DIP2C: variants seen among roughly 807,000 people sequenced by gnomAD.
The protein encoded by DIP2C is DIP2 acetate--CoA ligase C (putative).
In DIP2C, 33 loss-of-function variants were observed where a neutral mutation model predicts 192.4. The observed-to-expected ratio is 0.17, with a 90% CI of 0.13 to 0.23. The LOEUF (loss-of-function observed/expected upper bound fraction) is 0.23, where lower values mean the gene tolerates loss of function less well. Ranked by LOEUF, DIP2C falls within the 10% of genes least tolerant of loss-of-function variation. The probability of loss-of-function intolerance (pLI) is 1.00; values close to 1 mark genes in which losing one functional copy is unlikely to be tolerated. For synonymous variants in DIP2C, 979 were observed against 864.1 expected (o/e 1.13, Z -2.33); for missense variants, 1,537 against 2,110.1 (o/e 0.73, Z 5.32).
chr10:546,798 A>T (rs1263921983), intron 1 of DIP2C, among the ~76,000 whole-genome samples: 1 of 152,262 alleles, frequency 6.6e-6, no homozygotes, highest in Non-Finnish European at 1.5e-5. Context: ...GTCAAAAAAA[A>T]AAATCACATC....
intron 10 of DIP2C, among the ~76,000 whole-genome samples, chr10:396,285 T>G (rs865846635): frequency 3.9e-5 from 6 of 152,190 alleles, no homozygotes; most frequent in African/African-American, 1.4e-4. Flanking sequence ...GCCTAGGATT[T>G]GAGATAATAG....
At chr10:362,359 G>T (rs1168560161) in intron 22 of DIP2C, 131 bp downstream of exon 22, 4 of 1,061,772 alleles carry the variant, frequency 3.8e-6, no homozygotes, top group Non-Finnish European at 5.3e-6. Flanking sequence ...CTATTTTCTT[G>T]GGGTAACCAC....
intron 17 of DIP2C, among the ~76,000 whole-genome samples, chr10:379,247 C>T (rs755537191): frequency 2.3e-4 from 35 of 149,014 alleles, no homozygotes; most frequent in Non-Finnish European, 4.3e-4. Context: ...CGCCCTGCCC[C>T]GCTACCCCAC....
intron 1 of DIP2C, among the ~76,000 whole-genome samples, chr10:584,469 C>T (rs1258090188): frequency 7.1e-6 from 1 of 141,404 alleles, no homozygotes; most frequent in African/African-American, 2.7e-5. Context: ...AATCTCGGGG[C>T]CCGCAACCTG....
intron 1 of DIP2C, among the ~76,000 whole-genome samples, chr10:597,596 C>A (rs1177150746): frequency 6.6e-6 from 1 of 152,178 alleles, no homozygotes; most frequent in East Asian, 1.9e-4. Context: ...ATGTCACTTG[C>A]CACAAAAATG....
intron 1 of DIP2C, among the ~76,000 whole-genome samples, chr10:574,152 C>A (rs1181582722): frequency 6.6e-6 from 1 of 152,208 alleles, no homozygotes; most frequent in East Asian, 1.9e-4. Flanking sequence ...AAGTTTAAAG[C>A]TTTTTGCATC....
rs1965476928 is a variant in DIP2C, at chr10:414,751, A to ATATATATATG, written c.860-642_860-641insCATATATATA. On this transcript the variant is annotated intron_variant, in intron 7 of 36. Coordinates refer to ENST00000280886, the MANE Select transcript of DIP2C (RefSeq NM_014974.3). The stretch of plus-strand genomic sequence containing the variant: ...TGTGTGTGTGTGTGTACATATATAT[A>ATATATATATG]TATATAATGTGTATATATATAATGT... Among the ~76,000 whole-genome samples, 8 of 134,848 alleles carry ATATATATATG rather than the reference A, an allele frequency of 5.9e-5. 1 individual carries two copies. In the Admixed American group the frequency reaches 6.1e-4, roughly 10 times the overall value. The allele number at this position is 134,848 out of a possible 152,430, so 88.5% of individuals were successfully genotyped here.
chr10:319,260 A>T (rs755807472), intron 31 of DIP2C, among the ~76,000 whole-genome samples: 67 of 152,236 alleles, frequency 4.4e-4, no homozygotes, highest in Middle Eastern at 3.4e-3. Flanking sequence ...GGGGGGCTGT[A>T]TTTCTCTTTC....
intron 1 of DIP2C, among the ~76,000 whole-genome samples, chr10:526,334 ATG>A (rs1423084286): frequency 2.0e-5 from 3 of 152,172 alleles, no homozygotes; most frequent in East Asian, 1.9e-4. Context: ...ATTTAGAAAA[ATG>A]TGTGTTTAGC....
At chr10:672,076 C>A (rs113035567) in intron 1 of DIP2C, among the ~76,000 whole-genome samples, 13 of 150,064 alleles carry the variant, frequency 8.7e-5, no homozygotes, top group African/African-American at 3.2e-4. Context: ...GGAAACGCCA[C>A]AGACGCACGG....
At chr10:337,800 C>CGTGTGTTGTGGAGGCCTAGGCAGCCGTGT (rs749822515) in intron 29 of DIP2C, among the ~76,000 whole-genome samples, 1 of 122,548 alleles carries the variant, frequency 8.2e-6, no homozygotes, top group Non-Finnish European at 1.7e-5. Context: ...TGTGTGTGCA[C>CGTGTGTTGTGGAGGCCTAGGCAGCCGTGT]GTGTGTCGTG....
At chr10:350,999 TG>T (rs1037064880) in intron 24 of DIP2C, among the ~76,000 whole-genome samples, 12 of 151,604 alleles carry the variant, frequency 7.9e-5, no homozygotes, top group Admixed American at 6.6e-4. Context: ...AGTGTAGGGA[TG>T]GAGCGCGCGG....
rs554063637 is a variant in DIP2C at position 306,867 on chromosome 10, C to T, written c.3986+3164G>A. Among the ~76,000 whole-genome samples the T allele has an allele frequency of 5.9e-5, 9 of 152,326 alleles. No homozygotes were observed. In the East Asian group the frequency reaches 1.7e-3, roughly 29 times the overall value. On this transcript the variant is annotated intron_variant, in intron 32 of 36. Transcript: ENST00000280886. Reference sequence around the variant, plus strand: ...GCCTGGGAAGACTGGCTTTACTGCACCTGTTCTGAGCACCCCCAGAGCTCC... The same window carrying T: ...GCCTGGGAAGACTGGCTTTACTGCATCTGTTCTGAGCACCCCCAGAGCTCC...
At chr10:317,671 A>G (rs1956833870) in intron 31 of DIP2C, among the ~76,000 whole-genome samples, 1 of 152,172 alleles carries the variant, frequency 6.6e-6, no homozygotes, top group Non-Finnish European at 1.5e-5. Flanking sequence ...CTGTGCAGTT[A>G]CACCCCTCAG....
intron 1 of DIP2C, among the ~76,000 whole-genome samples, chr10:560,962 C>T (rs1188860901): frequency 6.6e-6 from 1 of 152,166 alleles, no homozygotes; most frequent in South Asian, 2.1e-4. Context: ...CACACAACCC[C>T]TTAATCGTAC....
At chr10:312,386 T>C (rs1262157948) in intron 31 of DIP2C, among the ~76,000 whole-genome samples, 1 of 151,526 alleles carries the variant, frequency 6.6e-6, no homozygotes, top group Non-Finnish European at 1.5e-5. Context: ...GTACAAAGAG[T>C]AGAAGATTTT....
chr10:450,106 C>T (rs947000740), intron 3 of DIP2C, among the ~76,000 whole-genome samples: 2 of 152,176 alleles, frequency 1.3e-5, no homozygotes, highest in Admixed American at 6.5e-5. Context: ...GAAAGCTTCA[C>T]GTCCACTCCA....
chr10:458,034 A>G (rs188544101), intron 3 of DIP2C, among the ~76,000 whole-genome samples: 3 of 152,314 alleles, frequency 2.0e-5, no homozygotes, highest in Admixed American at 6.5e-5. Flanking sequence ...CCGAAAGTGC[A>G]GTGATGAAGC....
chr10:489,604 G>A (rs1446205932), intron 1 of DIP2C, among the ~76,000 whole-genome samples: 1 of 152,118 alleles, frequency 6.6e-6, no homozygotes, highest in Non-Finnish European at 1.5e-5. Flanking sequence ...GGGACACAGT[G>A]GCTCTGACAG....
Sources: gnomAD v4.1 joint callset for allele counts (sites outside exome capture counted in the v4.1 genomes callset) on GRCh38, gnomAD v4.1.1 for gene constraint, MANE v1.5 for transcripts, NCBI Gene and HGNC (gene_info 2026-07-23, HGNC 2026-07-21) for gene names.